NEGR1: variants seen among roughly 807,000 people sequenced by gnomAD.
NEGR1 encodes the protein IgLON family member 4.
NEGR1 carries 10 observed loss-of-function variants against 40.9 expected under a neutral mutation model. The ratio of observed to expected loss-of-function variants is 0.24; its 90% CI spans 0.15 to 0.42. The LOEUF (loss-of-function observed/expected upper bound fraction) is 0.42, where lower values mean the gene tolerates loss of function less well. Among genes scored for constraint, NEGR1 ranks in the 10% least tolerant of loss-of-function variants. The pLI is 1.00. For synonymous variants in NEGR1, 185 were observed against 166.8 expected (o/e 1.11, Z -0.84); for missense variants, 352 against 438.9 (o/e 0.80, Z 1.77).
chr1:71,453,878 T>A (rs1228416297), intron 6 of NEGR1, among the ~76,000 whole-genome samples: 4 of 152,144 alleles, frequency 2.6e-5, no homozygotes, highest in Non-Finnish European at 5.9e-5. Flanking sequence ...CACTCAGTAG[T>A]CAAAAGATTA....
intron 4 of NEGR1, among the ~76,000 whole-genome samples, chr1:71,648,895 A>T (rs1477746962): frequency 6.6e-6 from 1 of 151,936 alleles, no homozygotes; most frequent in African/African-American, 2.4e-5. Context: ...ATGAAACCTA[A>T]ATCTTCTTTT....
chr1:72,132,222 A>T (rs539355331), intron 1 of NEGR1, among the ~76,000 whole-genome samples: 1 of 152,372 alleles, frequency 6.6e-6, no homozygotes, highest in African/African-American at 2.4e-5. Context: ...TGATAACGTT[A>T]CTATGAAGTT....
At chr1:71,851,128 G>T (rs1659586342) in intron 2 of NEGR1, among the ~76,000 whole-genome samples, 1 of 152,082 alleles carries the variant, frequency 6.6e-6, no homozygotes, top group Non-Finnish European at 1.5e-5. Context: ...TGACAGCAAA[G>T]GAACATTTTG....
intron 1 of NEGR1, among the ~76,000 whole-genome samples, chr1:72,221,773 G>GT (rs34236010): frequency 0.022 from 3,314 of 152,136 alleles, 54 homozygotes; most frequent in African/African-American, 0.032. Flanking sequence ...TCTATAAATA[G>GT]TTTTCTAAAG....
intron 2 of NEGR1, among the ~76,000 whole-genome samples, chr1:71,841,110 C>T (rs1659221663): frequency 6.6e-6 from 1 of 152,034 alleles, no homozygotes; most frequent in African/African-American, 2.4e-5. Context: ...TTCTATTCCT[C>T]TGGAGAACCT....
intron 1 of NEGR1, among the ~76,000 whole-genome samples, chr1:71,999,678 T>TATAC (rs1457710237): frequency 0.026 from 1,289 of 49,786 alleles, 104 homozygotes; most frequent in Non-Finnish European, 0.038. Flanking sequence ...TATATATATA[T>TATAC]ACATACATAT....
intron 1 of NEGR1, among the ~76,000 whole-genome samples, chr1:72,280,141 A>G (rs1385752739): frequency 2.6e-5 from 4 of 152,304 alleles, no homozygotes; most frequent in Middle Eastern, 3.4e-3. Flanking sequence ...CAGAGCACAC[A>G]AAGTAAACAA....
At chr1:72,082,577 T>C (rs946685171) in intron 1 of NEGR1, among the ~76,000 whole-genome samples, 24 of 152,064 alleles carry the variant, frequency 1.6e-4, no homozygotes, top group African/African-American at 5.8e-4. Context: ...TCTTTTATCC[T>C]GATATTTTGT....
intron 4 of NEGR1, among the ~76,000 whole-genome samples, chr1:71,662,714 A>G (rs1652107676): frequency 6.6e-6 from 1 of 151,404 alleles, no homozygotes; most frequent in South Asian, 2.1e-4. Flanking sequence ...TATAAAATAG[A>G]AATGGAAATA....
intron 1 of NEGR1, among the ~76,000 whole-genome samples, chr1:71,957,066 G>A (rs1368069557): frequency 6.6e-6 from 1 of 152,144 alleles, no homozygotes; most frequent in Admixed American, 6.5e-5. Context: ...CTCTCAAAGA[G>A]ACAGAAATAA....
chr1:72,266,330 C>T (rs1028198116), intron 1 of NEGR1, among the ~76,000 whole-genome samples: 34 of 150,916 alleles, frequency 2.3e-4, no homozygotes, highest in Non-Finnish European at 3.7e-4. Context: ...AGTACATACA[C>T]TGTCAAACTA....
rs1211608823 is a variant in NEGR1 at position 72,268,443 on chromosome 1, A to C, written c.176+13876T>G. On this transcript the variant is annotated intron_variant, in intron 1 of 6. Transcript: ENST00000357731. The stretch of plus-strand genomic sequence containing the variant: ...GAAATCCGCACGTAAGTTTTTTGTA[A>C]CACACAACAGTGTTTAAGAATATAG... 2.0e-5 allele frequency among the ~76,000 whole-genome samples: 3 copies of C among 151,454 alleles called. No homozygotes were observed. In the East Asian group the frequency reaches 5.8e-4, roughly 29 times the overall value.
intron 6 of NEGR1, among the ~76,000 whole-genome samples, chr1:71,490,294 T>A (rs1202884387): frequency 1.3e-5 from 2 of 152,000 alleles, no homozygotes; most frequent in African/African-American, 4.8e-5. Flanking sequence ...ATGCATTTGG[T>A]ACCCACCTCA....
rs71074804 is a variant in NEGR1, at chr1:71,759,596, CTTTTTTTTT to C, written c.535+16567_535+16575del. Reference sequence around the variant, plus strand: ...ACAGGCGTGAGCCACTGCGTCCAGGCTTTTTTTTTTTTTTTTTTTTTTTTTTTTTTTGAG... The same window carrying C: ...ACAGGCGTGAGCCACTGCGTCCAGGCTTTTTTTTTTTTTTTTTTTTTTGAG... On this transcript the variant is annotated intron_variant, in intron 3 of 6. Transcript: ENST00000357731. Among the ~76,000 whole-genome samples the C allele has an allele frequency of 1.0e-2, 318 of 31,884 alleles. No homozygotes were observed. The Middle Eastern group carries it at 0.13, about 13-fold the overall frequency. 20.9% of individuals were successfully genotyped at this position (31,884 alleles called of 152,430 possible). A position where few individuals can be genotyped will look rare whatever the true frequency, so the allele number is the denominator to read the frequency against.
intron 4 of NEGR1, among the ~76,000 whole-genome samples, chr1:71,640,413 C>T (rs1036872085): frequency 6.6e-6 from 1 of 152,026 alleles, no homozygotes; most frequent in Non-Finnish European, 1.5e-5. Flanking sequence ...CCCCTTCATA[C>T]ACTCCTCTGG....
At chr1:71,810,067 G>A (rs1467066363) in intron 2 of NEGR1, among the ~76,000 whole-genome samples, 1 of 152,054 alleles carries the variant, frequency 6.6e-6, no homozygotes, top group Non-Finnish European at 1.5e-5. Flanking sequence ...CATGTTTGAG[G>A]AAATAATATA....
chr1:71,825,060 T>A (rs1658572097), intron 2 of NEGR1, among the ~76,000 whole-genome samples: 1 of 151,972 alleles, frequency 6.6e-6, no homozygotes, highest in African/African-American at 2.4e-5. Context: ...TTCAACTTTA[T>A]AAGAAACTAC....
chr1:71,985,288 G>T (rs990779753), intron 1 of NEGR1, among the ~76,000 whole-genome samples: 6 of 152,208 alleles, frequency 3.9e-5, no homozygotes, highest in African/African-American at 1.4e-4. Flanking sequence ...AAAATATGAA[G>T]ATACGCTGGC....
chr1:72,235,275 A>G (rs1043452454), intron 1 of NEGR1, among the ~76,000 whole-genome samples: 5 of 152,140 alleles, frequency 3.3e-5, no homozygotes, highest in African/African-American at 1.2e-4. Context: ...TGTGGTTACA[A>G]CACAGAGCGC....
Sources: allele counts gnomAD v4.1 joint callset (sites outside exome capture counted in the v4.1 genomes callset), GRCh38; gene constraint gnomAD v4.1.1; transcripts MANE v1.5; gene names NCBI Gene and HGNC (gene_info 2026-07-23, HGNC 2026-07-21).